Variants in WDR70 observed in about 807,000 individuals in gnomAD.
The protein encoded by WDR70 is WD repeat-containing protein 70.
In WDR70, 53 loss-of-function variants were observed where a neutral mutation model predicts 88.6. The ratio of observed to expected loss-of-function variants is 0.60; its 90% CI spans 0.48 to 0.75. WDR70 has a LOEUF of 0.75. Ranked by LOEUF, WDR70 falls within the 30% of genes least tolerant of loss-of-function variation. The pLI, the probability that WDR70 is intolerant of heterozygous loss-of-function variation, is 0.00. For missense variants in WDR70, 610 were observed against 823.2 expected (o/e 0.74, Z 3.17); for synonymous variants, 280 against 270.0 (o/e 1.04, Z -0.36).
intron 9 of WDR70, among the ~76,000 whole-genome samples, chr5:37,553,236 A>G (rs1432231341): frequency 2.0e-5 from 3 of 152,170 alleles, no homozygotes; most frequent in Admixed American, 1.3e-4. Context: ...TCTTCAAGGC[A>G]TTGGTTGAAA....
intron 5 of WDR70, among the ~76,000 whole-genome samples, chr5:37,431,090 G>A (rs1207194649): frequency 6.6e-6 from 1 of 152,262 alleles, no homozygotes; most frequent in East Asian, 1.9e-4. Flanking sequence ...CTGACCTTAG[G>A]TGATCAGGCT....
At chr5:37,475,931 C>T (rs1739468332) in intron 7 of WDR70, among the ~76,000 whole-genome samples, 1 of 150,758 alleles carries the variant, frequency 6.6e-6, no homozygotes, top group Admixed American at 6.6e-5. Context: ...CTGCAACCTC[C>T]ACCTCCCGGG....
At chr5:37,379,456 A>G in intron 1 of WDR70, 33 bp from the exon 2 acceptor site, 1 of 1,613,850 alleles carries the variant, frequency 6.2e-7, no homozygotes, top group Non-Finnish European at 8.5e-7. Flanking sequence ...GCGCCGCACT[A>G]ACTAGGCCGC....
At chr5:37,488,279 A>G (rs1246213828) in intron 8 of WDR70, among the ~76,000 whole-genome samples, 1 of 151,718 alleles carries the variant, frequency 6.6e-6, no homozygotes, top group Non-Finnish European at 1.5e-5. Context: ...TGCCACTAAA[A>G]AGACCTTTTT....
intron 8 of WDR70, among the ~76,000 whole-genome samples, chr5:37,496,668 AG>A (rs544409396): frequency 3.3e-5 from 5 of 152,220 alleles, no homozygotes; most frequent in Admixed American, 6.5e-5. Flanking sequence ...TATCAGTAAA[AG>A]ATCTGCTTTC....
At chr5:37,742,044 A>T (rs1429914761) in intron 17 of WDR70, among the ~76,000 whole-genome samples, 3 of 152,308 alleles carry the variant, frequency 2.0e-5, no homozygotes, top group Admixed American at 1.3e-4. Context: ...GGCTCTTGTG[A>T]ATAATGCTGC....
At chr5:37,512,723 C>T (rs1238469841) in intron 8 of WDR70, among the ~76,000 whole-genome samples, 1 of 151,322 alleles carries the variant, frequency 6.6e-6, no homozygotes. Context: ...CTGTGACTAC[C>T]GTTGTGTGCC....
At chr5:37,422,706 G>A (rs917986883) in intron 5 of WDR70, among the ~76,000 whole-genome samples, 2 of 151,988 alleles carry the variant, frequency 1.3e-5, no homozygotes, top group Non-Finnish European at 2.9e-5. Flanking sequence ...TTGAACTCCC[G>A]ACCTCAGGTG....
intron 10 of WDR70, among the ~76,000 whole-genome samples, chr5:37,650,985 T>C (rs1212286328): frequency 6.6e-6 from 1 of 151,972 alleles, no homozygotes; most frequent in Non-Finnish European, 1.5e-5. Flanking sequence ...TTTTATACTT[T>C]AAGTTCTGGG....
intron 10 of WDR70, among the ~76,000 whole-genome samples, chr5:37,688,577 A>T (rs1207710436): frequency 6.6e-6 from 1 of 152,062 alleles, no homozygotes; most frequent in African/African-American, 2.4e-5. Context: ...GTAGTTGGTA[A>T]CTTGATGGGA....
At chr5:37,690,619 A>C (rs1746763497) in intron 10 of WDR70, among the ~76,000 whole-genome samples, 1 of 152,248 alleles carries the variant, frequency 6.6e-6, no homozygotes, top group Non-Finnish European at 1.5e-5. Context: ...AAGCTTCATA[A>C]GCGGAGGAGA....
chr5:37,604,617 A>T (rs960355168), intron 9 of WDR70, among the ~76,000 whole-genome samples: 1 of 152,138 alleles, frequency 6.6e-6, no homozygotes, highest in South Asian at 2.1e-4. Context: ...CTAGAGTGGG[A>T]TGTTATTCTT....
intron 10 of WDR70, among the ~76,000 whole-genome samples, chr5:37,621,221 T>G (rs1392613191): frequency 6.6e-6 from 1 of 152,182 alleles, no homozygotes; most frequent in African/African-American, 2.4e-5. Flanking sequence ...TGCATACTAC[T>G]TTTATAATTC....
intron 10 of WDR70, among the ~76,000 whole-genome samples, chr5:37,654,333 T>C (rs1222013266): frequency 5.9e-5 from 9 of 152,196 alleles, no homozygotes; most frequent in African/African-American, 2.2e-4. Context: ...TTCTGTTCTT[T>C]TGCATTTGCT....
intron 9 of WDR70, among the ~76,000 whole-genome samples, chr5:37,557,232 G>GAAA (rs11372077): frequency 4.5e-4 from 56 of 123,826 alleles, no homozygotes; most frequent in African/African-American, 8.7e-4. Context: ...TTAAAAAAAT[G>GAAA]AAAAAAAAAA....
intron 8 of WDR70, among the ~76,000 whole-genome samples, chr5:37,490,669 G>A (rs988334596): frequency 1.3e-5 from 2 of 152,112 alleles, no homozygotes; most frequent in Non-Finnish European, 2.9e-5. Context: ...ATGTGCGGGT[G>A]TGCTGGGGCT....
Position 37,579,249 on chromosome 5 carries a change from A to G in WDR70, c.918-25815A>G, listed in dbSNP as rs73061780. The stretch of plus-strand genomic sequence containing the variant: ...AGAGAAGGAAGAAAGGAAATTTTTA[A>G]TGTATTCACTTCTGGAAGAGTAGTG... On this transcript the variant is annotated intron_variant, in intron 9 of 17. Transcript: ENST00000265107. Among the ~76,000 whole-genome samples, 1,122 of 152,320 alleles carry G rather than the reference A, an allele frequency of 7.4e-3. 17 individuals are homozygous for G. The highest frequency in any genetic ancestry group is 0.025 in the African/African-American group (1,056 of 41,558).
chr5:37,424,753 C>T (rs2056871), intron 5 of WDR70, among the ~76,000 whole-genome samples: 40,622 of 151,926 alleles, frequency 0.27, 5,976 homozygotes, highest in East Asian at 0.47. Context: ...ATTAACTTTG[C>T]GTTGATGTGA....
intron 7 of WDR70, among the ~76,000 whole-genome samples, chr5:37,446,357 ATACTGCCCAAG>A (rs1302918159): frequency 2.0e-5 from 3 of 152,346 alleles, no homozygotes; most frequent in Non-Finnish European, 2.9e-5. Context: ...GAAAATGGCC[ATACTGCCCAAG>A]GTAATTTATA....
Sources: allele counts gnomAD v4.1 joint callset (sites outside exome capture counted in the v4.1 genomes callset), GRCh38; gene constraint gnomAD v4.1.1; transcripts MANE v1.5; gene names NCBI Gene and HGNC (gene_info 2026-07-23, HGNC 2026-07-21).